ATRNL1: variants seen among roughly 807,000 people sequenced by gnomAD.
ATRNL1 encodes the protein attractin like 1, also known as attractin-like protein 1.
ATRNL1 carries 95 observed loss-of-function variants against 182.7 expected under a neutral mutation model. The observed-to-expected ratio is 0.52, with a 90% confidence interval of 0.44 to 0.62. The LOEUF is 0.62. Ranked by LOEUF, ATRNL1 falls within the 20% of genes least tolerant of loss-of-function variation. The probability of loss-of-function intolerance (pLI) is 0.00; values close to 1 mark genes in which losing one functional copy is unlikely to be tolerated. For missense variants in ATRNL1, 1,471 were observed against 1,679.5 expected (o/e 0.88, Z 2.17); for synonymous variants, 576 against 568.3 (o/e 1.01, Z -0.19).
At chr10:115,536,757 C>T (rs900292016) in intron 25 of ATRNL1, among the ~76,000 whole-genome samples, 15 of 152,066 alleles carry the variant, frequency 9.9e-5, no homozygotes, top group African/African-American at 3.4e-4. Context: ...CATCTTGGCT[C>T]CTCCCAAAAA....
At chr10:115,663,252 A>G (rs1555038656) in intron 26 of ATRNL1, among the ~76,000 whole-genome samples, 2 of 152,114 alleles carry the variant, frequency 1.3e-5, no homozygotes, top group African/African-American at 2.4e-5. Context: ...ACAGGCTAGT[A>G]ACTAGGCAAA....
intron 25 of ATRNL1, among the ~76,000 whole-genome samples, chr10:115,538,392 A>C (rs1325683347): frequency 6.6e-6 from 1 of 152,174 alleles, no homozygotes; most frequent in Non-Finnish European, 1.5e-5. Flanking sequence ...AGCCATTCTG[A>C]TAAATGTGTA....
intron 9 of ATRNL1, among the ~76,000 whole-genome samples, chr10:115,235,114 T>C (rs1850124647): frequency 6.6e-6 from 1 of 152,274 alleles, no homozygotes; most frequent in East Asian, 1.9e-4. Flanking sequence ...CTCGTTTGGG[T>C]TTATCTGATG....
chr10:115,462,439 C>A (rs2134534916), intron 22 of ATRNL1, among the ~76,000 whole-genome samples: 1 of 152,010 alleles, frequency 6.6e-6, no homozygotes, highest in East Asian at 1.9e-4. Flanking sequence ...TGGTGAATCC[C>A]CATCTCTACT....
intron 26 of ATRNL1, among the ~76,000 whole-genome samples, chr10:115,617,436 T>C (rs1003722331): frequency 2.0e-5 from 3 of 152,136 alleles, no homozygotes; most frequent in Non-Finnish European, 2.9e-5. Flanking sequence ...TGCGGCTCAC[T>C]GCAACATCCG....
At chr10:115,164,966 A>G (rs1846970669) in intron 6 of ATRNL1, among the ~76,000 whole-genome samples, 1 of 152,094 alleles carries the variant, frequency 6.6e-6, no homozygotes, top group Non-Finnish European at 1.5e-5. Context: ...TAGCTAGAAG[A>G]GAAGAAATGT....
chr10:115,430,025 C>T (rs902266681), intron 21 of ATRNL1, among the ~76,000 whole-genome samples: 1 of 152,122 alleles, frequency 6.6e-6, no homozygotes, highest in Admixed American at 6.5e-5. Context: ...GAGCCGAGAT[C>T]GCGCCACTGC....
chr10:115,802,021 A>AACACACACACAC (rs60513803), intron 27 of ATRNL1, among the ~76,000 whole-genome samples: 3,360 of 125,938 alleles, frequency 0.027, 100 homozygotes, highest in African/African-American at 0.062. Flanking sequence ...AAAAAAAAGA[A>AACACACACACAC]ACACACACAC....
chr10:115,155,850 G>A (rs1479854629), intron 5 of ATRNL1, among the ~76,000 whole-genome samples: 1 of 152,158 alleles, frequency 6.6e-6, no homozygotes, highest in Non-Finnish European at 1.5e-5. Flanking sequence ...CCAGGTTTTA[G>A]ACTATTGCAG....
intron 19 of ATRNL1, among the ~76,000 whole-genome samples, chr10:115,350,334 C>CACAAAAAA (rs1856176830): frequency 3.4e-5 from 1 of 29,742 alleles, no homozygotes; most frequent in African/African-American, 1.8e-4. Context: ...GACTCTGTCT[C>CACAAAAAA]AAAAAAAAAA....
intron 26 of ATRNL1, among the ~76,000 whole-genome samples, chr10:115,723,534 G>GTGTTTATTTATTTATT (rs1947497497): frequency 1.3e-5 from 2 of 148,226 alleles, no homozygotes; most frequent in South Asian, 4.3e-4. Context: ...CTTTTCTTTT[G>GTGTTTATTTATTTATT]TATTTATTTA....
intron 10 of ATRNL1, among the ~76,000 whole-genome samples, chr10:115,246,553 C>CTTT (rs1226864852): frequency 8.5e-6 from 1 of 117,936 alleles, no homozygotes; most frequent in South Asian, 2.7e-4. Context: ...CTCTCTCATT[C>CTTT]TTTTTTTTTT....
chr10:115,198,054 C>A lies in ATRNL1; in HGVS notation c.1349-17643C>A, dbSNP rs145140362. ...TATACCCAATAGTGAAATTGCTGGGCCATACGGTAGTTCTACTTTTAATTT... is the reference window on the plus strand; with the variant it reads ...TATACCCAATAGTGAAATTGCTGGGACATACGGTAGTTCTACTTTTAATTT... On this transcript the variant is annotated intron_variant, in intron 8 of 28. Transcript: ENST00000355044. 5.8e-4 allele frequency among the ~76,000 whole-genome samples: 88 copies of A among 152,152 alleles called. No homozygotes were observed. In the Middle Eastern group the frequency reaches 0.01, roughly 18 times the overall value.
At chr10:115,265,148 T>C in intron 10 of ATRNL1, 45 bp from the exon 11 acceptor site, 1 of 1,248,652 alleles carries the variant, frequency 8.0e-7, no homozygotes. Context: ...TGTCTTAGTT[T>C]ATTCTTTTAT....
chr10:115,526,739 G>A (rs1406368692), intron 25 of ATRNL1, among the ~76,000 whole-genome samples: 3 of 152,104 alleles, frequency 2.0e-5, no homozygotes, highest in Non-Finnish European at 4.4e-5. Context: ...AGCAATAAAC[G>A]TGTTAGGGGA....
chr10:115,476,222 A>G (rs1848523544), intron 24 of ATRNL1, among the ~76,000 whole-genome samples: 1 of 151,300 alleles, frequency 6.6e-6, no homozygotes, highest in African/African-American at 2.4e-5. Flanking sequence ...GGGATATTTC[A>G]GGTGTCTCCT....
chr10:115,196,621 T>C (rs964009110), intron 8 of ATRNL1, among the ~76,000 whole-genome samples: 1 of 152,126 alleles, frequency 6.6e-6, no homozygotes, highest in Non-Finnish European at 1.5e-5. Flanking sequence ...TTTTTCAATA[T>C]ACTGGTGTTG....
chr10:115,665,240 A>C (rs1211959559), intron 26 of ATRNL1, among the ~76,000 whole-genome samples: 1 of 152,194 alleles, frequency 6.6e-6, no homozygotes, highest in Non-Finnish European at 1.5e-5. Flanking sequence ...TTTAATAGAA[A>C]TATATAACAG....
chr10:115,775,455 T>C (rs2134176228), intron 27 of ATRNL1, among the ~76,000 whole-genome samples: 1 of 152,336 alleles, frequency 6.6e-6, no homozygotes, highest in South Asian at 2.1e-4. Flanking sequence ...TCTTCTGAAT[T>C]GAATCTGTAT....
Sources: allele counts gnomAD v4.1 joint callset (sites outside exome capture counted in the v4.1 genomes callset), GRCh38; gene constraint gnomAD v4.1.1; transcripts MANE v1.5; gene names NCBI Gene and HGNC (gene_info 2026-07-23, HGNC 2026-07-21).